DCAF8: variants seen among roughly 807,000 people sequenced by gnomAD.
DCAF8 encodes the protein DDB1 and CUL4 associated factor 8, also known as DDB1- and CUL4-associated factor 8.
In DCAF8, 20 loss-of-function variants were observed where a neutral mutation model predicts 68.0. That is an observed-to-expected ratio of 0.29 (90% confidence interval 0.21 to 0.43). The LOEUF is 0.43. DCAF8 is among the 20% of genes least tolerant of loss of function. The pLI is 1.00. For missense variants in DCAF8, 460 were observed against 771.0 expected, an observed-to-expected ratio of 0.60 and a Z score of 4.78; for synonymous variants, 230 against 276.9, an observed-to-expected ratio of 0.83 and a Z score of 1.68.
In DCAF8 at chr1:160,218,958, A is replaced by G; in HGVS notation, c.1451T>C (p.Leu484Pro). 1 of 1,614,206 alleles carries G rather than the reference A, an allele frequency of 6.2e-7. No homozygotes were observed. The change falls in exon 12 of 14, where the codon CTT becomes CCT. Residue 484 changes from leucine (L) to proline (P), a missense_variant. By Grantham distance (98) the Leu-to-Pro change is moderately conservative (BLOSUM62 -3). Around this residue, in one of 8 missense-constraint regions of DCAF8, gnomAD observed 30 missense variants for 69.6 expected, o/e 0.43. Transcript: ENST00000368074. Reference protein sequence around the residue: ...EGDKGGVVNCLEPHPHLPVLA... With the variant: ...EGDKGGVVNCPEPHPHLPVLA... Reference sequence around the variant, plus strand: ...CACAGGCAGGTGAGGGTGGGGCTCAAGACAGTTTACCTGGTCAGGAAGAAA... The same window carrying G: ...CACAGGCAGGTGAGGGTGGGGCTCAGGACAGTTTACCTGGTCAGGAAGAAA...
At chr1:160,247,832 T>C (rs1041613136) in intron 2 of DCAF8, among the ~76,000 whole-genome samples, 1 of 152,114 alleles carries the variant, frequency 6.6e-6, no homozygotes, top group Non-Finnish European at 1.5e-5. Context: ...CCATACATTG[T>C]ACAATATACA....
chr1:160,241,935 C>T (rs1011525826), intron 3 of DCAF8, among the ~76,000 whole-genome samples: 1 of 152,142 alleles, frequency 6.6e-6, no homozygotes, highest in South Asian at 2.1e-4. Context: ...GTAACAGAAG[C>T]CCAGAAGACA....
chr1:160,231,167 C>T (rs1348124203), intron 7 of DCAF8, 130 bp downstream of exon 7: 6 of 686,774 alleles, frequency 8.7e-6, no homozygotes, highest in South Asian at 4.0e-5. Flanking sequence ...TTTTGGAAAA[C>T]GGTAAAAAAT....
intron 6 of DCAF8, among the ~76,000 whole-genome samples, chr1:160,236,652 A>G (rs1655907854): frequency 6.6e-6 from 1 of 152,226 alleles, no homozygotes; most frequent in Non-Finnish European, 1.5e-5. Flanking sequence ...ACAGTTAAAA[A>G]GGAATAAAAT....
intron 2 of DCAF8, among the ~76,000 whole-genome samples, chr1:160,258,786 T>A (rs1404625688): frequency 6.6e-6 from 1 of 152,078 alleles, no homozygotes; most frequent in African/African-American, 2.4e-5. Context: ...GATAAAAAGT[T>A]TACAGTGTGG....
intron 6 of DCAF8, among the ~76,000 whole-genome samples, chr1:160,235,335 T>C (rs1655831405): frequency 2.0e-5 from 3 of 151,956 alleles, no homozygotes; most frequent in South Asian, 4.1e-4. Context: ...GGTTTCACCA[T>C]GTTAGCCAGG....
chr1:160,216,020 G>A lies in DCAF8; in HGVS notation c.*1572C>T, dbSNP rs1655102265. ...TTCTTGGTTGGATCTTGTGGAACTG[G>A]GGGCAAAAAAATAGCAGCAAAAGCA... On this transcript the variant is annotated 3_prime_UTR_variant, in exon 14 of 14. Coordinates refer to ENST00000368074, the MANE Select transcript of DCAF8 (RefSeq NM_015726.4). The A allele has an allele frequency of 3.3e-5, 5 of 152,170 alleles. 1 individual carries two copies. The South Asian group carries it at 1.0e-3, about 32-fold the overall frequency. The allele number at this position is 152,170 out of a possible 1,614,324, so 9.4% of individuals were successfully genotyped here.
At chr1:160,248,663 A>G (rs1309167353) in intron 2 of DCAF8, among the ~76,000 whole-genome samples, 2 of 152,022 alleles carry the variant, frequency 1.3e-5, no homozygotes, top group African/African-American at 4.8e-5. Context: ...CGATCGCGCC[A>G]CTGCACTCCA....
intron 2 of DCAF8, among the ~76,000 whole-genome samples, chr1:160,255,733 C>T (rs896719817): frequency 6.6e-5 from 10 of 152,112 alleles, no homozygotes; most frequent in Non-Finnish European, 1.0e-4. Context: ...AATTCTCCCG[C>T]CTCAGCCTCC....
At chr1:160,228,546 AAGCAGGAATTAGCTTAGCTT>A (rs1655554636) in intron 7 of DCAF8, among the ~76,000 whole-genome samples, 1 of 152,002 alleles carries the variant, frequency 6.6e-6, no homozygotes, top group Non-Finnish European at 1.5e-5. Flanking sequence ...AAACTAAGCT[AAGCAGGAATTAGCTTAGCTT>A]AGCAGGTGTA....
chr1:160,257,818 C>A (rs1171861445), intron 2 of DCAF8, among the ~76,000 whole-genome samples: 2 of 152,228 alleles, frequency 1.3e-5, no homozygotes, highest in Non-Finnish European at 2.9e-5. Context: ...CTCAGCTCTA[C>A]CTCCTGGACT....
chr1:160,234,915 C>T (rs903132466), intron 6 of DCAF8, among the ~76,000 whole-genome samples: 1 of 152,176 alleles, frequency 6.6e-6, no homozygotes, highest in Non-Finnish European at 1.5e-5. Context: ...ATATCTTTTC[C>T]CCAAGCCTAA....
chr1:160,241,429 T>C (rs1291801424), intron 3 of DCAF8, among the ~76,000 whole-genome samples: 1 of 152,250 alleles, frequency 6.6e-6, no homozygotes, highest in East Asian at 1.9e-4. Flanking sequence ...GCTGGGCTAC[T>C]ATAGTGGTGC....
At chr1:160,244,100 C>T in intron 2 of DCAF8, 66 bp from the exon 3 acceptor site, 1 of 1,169,144 alleles carries the variant, frequency 8.6e-7, no homozygotes. Flanking sequence ...ACAATAGGGA[C>T]AAGGAGATTT....
At chr1:160,240,404 G>GA (rs1329867652) in intron 3 of DCAF8, 34 bp from the exon 4 acceptor site, 2 of 1,537,892 alleles carry the variant, frequency 1.3e-6, no homozygotes, top group African/African-American at 1.4e-5. Context: ...AGAGGAGAGG[G>GA]AAAAATAAGA....
At chr1:160,233,298 C>T (rs1334488480) in intron 6 of DCAF8, among the ~76,000 whole-genome samples, 1 of 152,096 alleles carries the variant, frequency 6.6e-6, no homozygotes, top group Non-Finnish European at 1.5e-5. Context: ...CCTATAATCC[C>T]AGCACTTTGG....
rs1309762450 is a variant in DCAF8 at position 160,222,511 on chromosome 1, G to T, written c.1440+140C>A. 5 of 1,176,888 alleles carry T rather than the reference G, an allele frequency of 4.2e-6. No homozygotes were observed. The African/African-American group carries it at 7.7e-5, about 18-fold the overall frequency. The allele number at this position is 1,176,888 out of a possible 1,614,324, so 72.9% of individuals were successfully genotyped here. ...TCCATCAAAAACTCAGCACCTCCAG[G>T]CTAACTAGTCTTTTATGGCTGGCTG... On this transcript the variant is annotated intron_variant, in intron 11 of 13. Coordinates refer to ENST00000368074, the MANE Select transcript of DCAF8 (RefSeq NM_015726.4).
intron 6 of DCAF8, among the ~76,000 whole-genome samples, chr1:160,236,895 A>G (rs1655916779): frequency 6.6e-6 from 1 of 152,256 alleles, no homozygotes; most frequent in African/African-American, 2.4e-5. Context: ...GCAAAAGATC[A>G]TCAAATTATT....
At chr1:160,224,722 C>T (rs1252789325) in intron 9 of DCAF8, among the ~76,000 whole-genome samples, 173 bp from the exon 10 acceptor site, 2 of 152,214 alleles carry the variant, frequency 1.3e-5, no homozygotes, top group Non-Finnish European at 2.9e-5. Flanking sequence ...AGACTAAGAA[C>T]ACACTGCCAA....
Sources: allele counts gnomAD v4.1 joint callset (sites outside exome capture counted in the v4.1 genomes callset), GRCh38; gene constraint gnomAD v4.1.1; regional missense constraint gnomAD v4.1.1; transcripts MANE v1.5; gene names NCBI Gene and HGNC (gene_info 2026-07-23, HGNC 2026-07-21).